TPO: variants seen among roughly 807,000 people sequenced by gnomAD.
TPO encodes the protein thyroid microsomal antigen.
In TPO, 78 loss-of-function variants were observed where a neutral mutation model predicts 96.9. That is an observed-to-expected ratio of 0.81 (90% CI 0.67 to 0.97). The LOEUF is 0.97. Among genes scored for constraint, TPO ranks in the 50% least tolerant of loss-of-function variants. TPO has a pLI of 0.00. For synonymous variants in TPO, 547 were observed against 538.0 expected (o/e 1.02, Z -0.23); for missense variants, 1,252 against 1,274.8 (o/e 0.98, Z 0.27).
intron 7 of TPO, among the ~76,000 whole-genome samples, chr2:1,464,720 G>T (rs147720303): frequency 6.6e-6 from 1 of 152,060 alleles, no homozygotes; most frequent in African/African-American, 2.4e-5. Context: ...CTCTATTCAT[G>T]TCCTTAGCCC....
At chr2:1,534,493 C>T (rs1486445205) in intron 15 of TPO, among the ~76,000 whole-genome samples, 2 of 84,764 alleles carry the variant, frequency 2.4e-5, no homozygotes, top group Non-Finnish European at 5.0e-5. Context: ...CCCCAAACCC[C>T]CCACGCAGTG....
At chr2:1,509,302 C>T (rs1469349636) in intron 14 of TPO, among the ~76,000 whole-genome samples, 1 of 152,076 alleles carries the variant, frequency 6.6e-6, no homozygotes, top group Non-Finnish European at 1.5e-5. Flanking sequence ...CACACCCCCA[C>T]TCCTGTGTCA....
intron 5 of TPO, among the ~76,000 whole-genome samples, chr2:1,437,954 C>T (rs1665755497): frequency 6.6e-6 from 1 of 152,064 alleles, no homozygotes; most frequent in Non-Finnish European, 1.5e-5. Flanking sequence ...GAGATGATGC[C>T]TGGGAGTATG....
At chr2:1,451,509 T>G (rs1033206170) in intron 5 of TPO, among the ~76,000 whole-genome samples, 1 of 152,332 alleles carries the variant, frequency 6.6e-6, no homozygotes, top group South Asian at 2.1e-4. Context: ...ATCAGATACA[T>G]GGGAGGATTT....
chr2:1,421,240 C>T (rs1000529170), intron 2 of TPO, among the ~76,000 whole-genome samples: 4 of 152,012 alleles, frequency 2.6e-5, no homozygotes, highest in African/African-American at 7.3e-5. Context: ...CCGTGCAAAC[C>T]TCTCTGTAAA....
intron 7 of TPO, among the ~76,000 whole-genome samples, chr2:1,460,395 A>G (rs1345482725): frequency 6.6e-6 from 1 of 152,218 alleles, no homozygotes; most frequent in Non-Finnish European, 1.5e-5. Flanking sequence ...TCTGTGCAAA[A>G]AAATGACTGA....
intron 15 of TPO, among the ~76,000 whole-genome samples, chr2:1,535,734 A>G (rs1354007401): frequency 1.3e-5 from 1 of 77,322 alleles, no homozygotes; most frequent in Non-Finnish European, 2.6e-5. Flanking sequence ...AGTGTGTGCA[A>G]CCTCCCCAAA....
chr2:1,530,338 A>C (rs1461888728), intron 15 of TPO, among the ~76,000 whole-genome samples: 1 of 142,408 alleles, frequency 7.0e-6, no homozygotes, highest in Non-Finnish European at 1.5e-5. Context: ...AACCTCCTCA[A>C]ATCCCCCCAA....
intron 12 of TPO, 82 bp from the exon 13 acceptor site, chr2:1,496,513 A>G (rs969540607): frequency 6.3e-7 from 1 of 1,592,388 alleles, no homozygotes; most frequent in Non-Finnish European, 8.6e-7. Flanking sequence ...CCAGGGCACA[A>G]GCGCACCCGT....
intron 13 of TPO, 94 bp downstream of exon 13, chr2:1,496,859 G>T: frequency 3.8e-6 from 6 of 1,580,334 alleles, no homozygotes; most frequent in Non-Finnish European, 4.3e-6. Flanking sequence ...TCGCCAAAAG[G>T]TGCTTCTGAA....
intron 14 of TPO, among the ~76,000 whole-genome samples, chr2:1,509,543 C>G (rs1478150714): frequency 6.7e-6 from 1 of 150,230 alleles, no homozygotes; most frequent in East Asian, 2.0e-4. Flanking sequence ...AGGATACCCT[C>G]TTGTTTCAGG....
intron 1 of TPO, among the ~76,000 whole-genome samples, chr2:1,383,371 A>G (rs946722922): frequency 3.3e-5 from 5 of 152,272 alleles, no homozygotes; most frequent in African/African-American, 4.8e-5. Flanking sequence ...ATCTCTCTAC[A>G]TCCTCTCCAG....
intron 8 of TPO, chr2:1,477,808 G>A (rs1488302922): frequency 1.0e-6 from 1 of 985,440 alleles, no homozygotes; most frequent in Non-Finnish European, 1.2e-6. Flanking sequence ...GAGGGTCATC[G>A]TGAGCTCCTG....
At chr2:1,400,568 CAAAA>C (rs34242408) in intron 1 of TPO, among the ~76,000 whole-genome samples, 1 of 71,606 alleles carries the variant, frequency 1.4e-5, no homozygotes. Flanking sequence ...GACTCTGTCT[CAAAA>C]AAAAAAAAAA....
chr2:1,500,690 G>A (rs550462820), intron 13 of TPO, among the ~76,000 whole-genome samples: 67 of 152,286 alleles, frequency 4.4e-4, no homozygotes, highest in African/African-American at 1.0e-3. Context: ...ATTAAGGCCG[G>A]GCGTGGTGGT....
chr2:1,528,628 TCCCCCCC>T (rs1677193621), intron 15 of TPO, among the ~76,000 whole-genome samples: 2 of 93,614 alleles, frequency 2.1e-5, no homozygotes, highest in African/African-American at 4.8e-5. Flanking sequence ...CCTCCCCAAA[TCCCCCCC>T]ACTGTGTGCA....
At chr2:1,523,663 T>C (rs1573536779) in intron 15 of TPO, among the ~76,000 whole-genome samples, 1 of 35,898 alleles carries the variant, frequency 2.8e-5, no homozygotes, top group African/African-American at 1.1e-4. Context: ...GTGTTCAACC[T>C]CCTCGAATCA....
intron 13 of TPO, among the ~76,000 whole-genome samples, chr2:1,501,322 C>G (rs111994394): frequency 6.6e-6 from 1 of 152,202 alleles, no homozygotes; most frequent in African/African-American, 2.4e-5. Flanking sequence ...AGAGCCTCGG[C>G]CTCCATGCAG....
chr2:1,437,089 G>A (rs1468906025), intron 5 of TPO, among the ~76,000 whole-genome samples: 1 of 152,358 alleles, frequency 6.6e-6, no homozygotes, highest in East Asian at 1.9e-4. Context: ...TTCTGAAGAA[G>A]GTGATATGCG....
Sources: gnomAD v4.1 joint callset for allele counts (sites outside exome capture counted in the v4.1 genomes callset) on GRCh38, gnomAD v4.1.1 for gene constraint, MANE v1.5 for transcripts, NCBI Gene and HGNC (gene_info 2026-07-23, HGNC 2026-07-21) for gene names.